Variants in CDYL observed in about 807,000 individuals in gnomAD.
CDYL encodes the protein chromodomain Y like, also known as chromodomain Y-like protein.
CDYL carries 8 observed loss-of-function variants against 47.3 expected under a neutral mutation model. That is an observed-to-expected ratio of 0.17 (90% CI 0.10 to 0.31). CDYL has a LOEUF of 0.31. Ranked by LOEUF, CDYL falls within the 10% of genes least tolerant of loss-of-function variation. CDYL has a pLI of 1.00. For missense variants in CDYL, 471 were observed against 701.4 expected (o/e 0.67, Z 3.71); for synonymous variants, 266 against 265.0 (o/e 1.00, Z -0.04).
At chr6:4,742,366 A>G (rs1405113069) in intron 3 of CDYL, among the ~76,000 whole-genome samples, 1 of 128,098 alleles carries the variant, frequency 7.8e-6, no homozygotes, top group Non-Finnish European at 1.8e-5. Flanking sequence ...TCCTGTCTCA[A>G]AAAAAAAAAA....
At chr6:4,779,931 T>C (rs1758565426) in intron 1 of CDYL, among the ~76,000 whole-genome samples, 2 of 152,210 alleles carry the variant, frequency 1.3e-5, no homozygotes, top group Non-Finnish European at 2.9e-5. Context: ...CATATCATTT[T>C]ATGTGTCATG....
intron 2 of CDYL, among the ~76,000 whole-genome samples, chr6:4,914,347 T>C (rs1054088961): frequency 6.6e-6 from 1 of 152,030 alleles, no homozygotes; most frequent in Non-Finnish European, 1.5e-5. Flanking sequence ...GCACGTCCTC[T>C]CCTCTGTGCC....
intron 1 of CDYL, among the ~76,000 whole-genome samples, chr6:4,808,225 G>GAGGAC (rs1653635971): frequency 6.6e-6 from 1 of 152,148 alleles, no homozygotes; most frequent in Non-Finnish European, 1.5e-5. Context: ...GAACCTCTAG[G>GAGGAC]AGGACAAAGC....
chr6:4,852,431 C>CCTTCCTAT lies in CDYL; in HGVS notation c.25-39276_25-39275insATCTTCCT, dbSNP rs1384906545. 4.5e-4 allele frequency among the ~76,000 whole-genome samples: 51 copies of CCTTCCTAT among 113,822 alleles called. 1 individual carries two copies. The highest frequency in any genetic ancestry group is 7.0e-4 in the Non-Finnish European group (39 of 56,026). 74.7% of individuals were successfully genotyped at this position (113,822 alleles called of 152,430 possible). On this transcript the variant is annotated intron_variant, in intron 1 of 6. Transcript: ENST00000397588. ...TTCCTTCCAATCTTCCTTCCTTCCT[C>CCTTCCTAT]CTTCCTTCCTTCCTTCCAATCTTCC...
chr6:4,895,425 G>C (rs1309743618), intron 2 of CDYL, among the ~76,000 whole-genome samples: 120 of 3,900 alleles, frequency 0.031, 55 homozygotes, highest in Admixed American at 0.051. Context: ...ATATATGCAT[G>C]TATACATGTA....
At chr6:4,814,513 T>C (rs1320438629) in intron 1 of CDYL, among the ~76,000 whole-genome samples, 1 of 151,974 alleles carries the variant, frequency 6.6e-6, no homozygotes, top group Non-Finnish European at 1.5e-5. Flanking sequence ...TACAGACAAA[T>C]TTAGTATTTT....
chr6:4,898,236 A>C (rs1310471071), intron 2 of CDYL, among the ~76,000 whole-genome samples: 1 of 144,932 alleles, frequency 6.9e-6, no homozygotes, highest in Non-Finnish European at 1.5e-5. Flanking sequence ...AGAAAAAAAA[A>C]CGAAAAGGCA....
rs374617538 is a variant in CDYL, at chr6:4,713,798, G to A, written c.-38-1943G>A. Among the ~76,000 whole-genome samples, 14 of 152,196 alleles carry A rather than the reference G, an allele frequency of 9.2e-5. No individual in the cohort carries two copies. In the East Asian group the frequency reaches 2.1e-3, roughly 23 times the overall value. On this transcript the variant is annotated intron_variant, in intron 1 of 8. Coordinates refer to the CDYL transcript ENST00000328908. ...AAATGAAGTTTCACCATTTTGGCCAGGCCGGTCTCAAACTCCAGATCTCCA... is the reference window on the plus strand; with the variant it reads ...AAATGAAGTTTCACCATTTTGGCCAAGCCGGTCTCAAACTCCAGATCTCCA...
intron 1 of CDYL, among the ~76,000 whole-genome samples, chr6:4,844,639 A>G (rs1760601389): frequency 6.6e-6 from 1 of 152,256 alleles, no homozygotes; most frequent in Non-Finnish European, 1.5e-5. Context: ...TTCTCATAAA[A>G]GTACATACTT....
At chr6:4,927,784 G>C (rs1000945640) in intron 2 of CDYL, among the ~76,000 whole-genome samples, 6 of 152,124 alleles carry the variant, frequency 3.9e-5, no homozygotes, top group African/African-American at 1.4e-4. Context: ...GATAATACTA[G>C]CTTTTCGTCT....
intron 2 of CDYL, among the ~76,000 whole-genome samples, chr6:4,931,046 TC>T (rs1470786450): frequency 2.0e-5 from 3 of 151,738 alleles, no homozygotes; most frequent in Non-Finnish European, 4.4e-5. Flanking sequence ...GAGCTTACCA[TC>T]CCTGGCTTGG....
At chr6:4,785,235 C>T (rs1422091070) in intron 1 of CDYL, among the ~76,000 whole-genome samples, 1 of 152,152 alleles carries the variant, frequency 6.6e-6, no homozygotes, top group African/African-American at 2.4e-5. Flanking sequence ...CTGTGAGGTT[C>T]GCACAGCAGT....
At chr6:4,919,242 A>G (rs1046560540) in intron 2 of CDYL, among the ~76,000 whole-genome samples, 2 of 152,028 alleles carry the variant, frequency 1.3e-5, no homozygotes, top group Non-Finnish European at 2.9e-5. Context: ...CACTGGGTAC[A>G]TGTGTGGCCT....
At chr6:4,724,469 C>G (rs1233936422) in intron 2 of CDYL, 2 of 152,590 alleles carry the variant, frequency 1.3e-5, no homozygotes, top group African/African-American at 4.8e-5. Context: ...GCAACCTGCT[C>G]GCGTCCGGAA....
intron 1 of CDYL, among the ~76,000 whole-genome samples, chr6:4,823,543 T>C (rs1759897406): frequency 6.6e-6 from 1 of 152,236 alleles, no homozygotes; most frequent in Non-Finnish European, 1.5e-5. Flanking sequence ...TTAATCACAA[T>C]GTTGTATTTG....
At chr6:4,922,403 G>A (rs1034576042) in intron 2 of CDYL, among the ~76,000 whole-genome samples, 1 of 152,210 alleles carries the variant, frequency 6.6e-6, no homozygotes, top group Non-Finnish European at 1.5e-5. Context: ...GAGGACAGAT[G>A]ATTAATTAAT....
At chr6:4,933,759 C>A (rs111568085) in intron 2 of CDYL, among the ~76,000 whole-genome samples, 2 of 152,310 alleles carry the variant, frequency 1.3e-5, no homozygotes, top group African/African-American at 4.8e-5. Flanking sequence ...TAGAACTACT[C>A]CAGGCTACAA....
chr6:4,942,383 C>T (rs149012716), intron 4 of CDYL, among the ~76,000 whole-genome samples: 2,195 of 152,276 alleles, frequency 0.014, 27 homozygotes, highest in South Asian at 0.031. Flanking sequence ...GGAGCTATCT[C>T]AGATGCTGAG....
rs528433000 is a variant in CDYL at position 4,762,873 on chromosome 6, A to G, written c.186+28029A>G. 5.9e-5 allele frequency among the ~76,000 whole-genome samples: 9 copies of G among 152,248 alleles called. No homozygotes were observed. In the South Asian group the frequency reaches 1.7e-3, roughly 28 times the overall value. ...AAGAAGAGACTGAGGTAGCAGCAAT[A>G]ATAAGAGATAATGGCTGACAAAATT... On this transcript the variant is annotated intron_variant, in intron 3 of 8. Transcript: ENST00000328908.
Sources: allele counts gnomAD v4.1 joint callset (sites outside exome capture counted in the v4.1 genomes callset), GRCh38; gene constraint gnomAD v4.1.1; transcripts MANE v1.5; gene names NCBI Gene and HGNC (gene_info 2026-07-23, HGNC 2026-07-21).